The following PPIP5K1 variants were observed in gnomAD, a reference collection of about 807,000 sequenced individuals.
PPIP5K1 encodes diphosphoinositol pentakisphosphate kinase 1.
Under a neutral mutation model 27.7 loss-of-function variants are expected in PPIP5K1, and 6 were observed. That is an observed-to-expected ratio of 0.22 (90% CI 0.12 to 0.43). PPIP5K1 has a LOEUF of 0.43. PPIP5K1 is among the 20% of genes least tolerant of loss of function. The pLI is 1.00. For missense variants in PPIP5K1, 394 were observed against 635.4 expected (o/e 0.62, Z 4.08); for synonymous variants, 145 against 242.6 (o/e 0.60, Z 3.74).
At chr15:43,539,080 G>A (rs2140368556) in intron 31 of PPIP5K1, among the ~76,000 whole-genome samples, 1 of 152,104 alleles carries the variant, frequency 6.6e-6, no homozygotes, top group East Asian at 1.9e-4. Flanking sequence ...GCGTGGTGGT[G>A]CATGCCTGTA....
chr15:43,551,579 T>C (rs928714233), intron 30 of PPIP5K1, among the ~76,000 whole-genome samples: 2 of 149,012 alleles, frequency 1.3e-5, no homozygotes, highest in Non-Finnish European at 3.0e-5. Flanking sequence ...GTTACAGGTG[T>C]GTTTAGACTT....
Position 43,535,386 on chromosome 15 carries a change from T to G in PPIP5K1, c.3761A>C (p.Gln1254Pro). 6.2e-7 allele frequency: 1 copy of G among 1,614,076 alleles called. No homozygotes were observed. Among genetic ancestry groups the G allele is most frequent in the Non-Finnish European group, 8.5e-7 (1 of 1,179,986 alleles). ...AGCCACGTGTGAATTTAGGGAGGGT[T>G]GATCACTGAAGCCAAATTGGGAGTT... ...DGNSQFGFSD[Q>P]PSLNSHVAEE... Residue 1254 changes from glutamine to proline, a missense_variant, in exon 32 of 32, where the codon CAA (glutamine) becomes CCA (proline). By Grantham distance (76) the Gln-to-Pro change is moderately conservative (BLOSUM62 -1). Transcript: ENST00000420765.
chr15:43,578,575 G>A (rs1412166540), intron 11 of PPIP5K1, among the ~76,000 whole-genome samples: 2 of 108,824 alleles, frequency 1.8e-5, no homozygotes, highest in South Asian at 6.0e-4. Flanking sequence ...AAAAAGAAAA[G>A]GGAACTGAGA....
At chr15:43,557,216 G>A (rs28491813) in intron 30 of PPIP5K1, among the ~76,000 whole-genome samples, 4,595 of 152,228 alleles carry the variant, frequency 0.03, 154 homozygotes, top group Admixed American at 0.09. Flanking sequence ...GAACCCAAGG[G>A]GGGGTGGATC....
At chr15:43,553,646 G>GTT (rs564313930) in intron 30 of PPIP5K1, among the ~76,000 whole-genome samples, 32 of 131,338 alleles carry the variant, frequency 2.4e-4, no homozygotes, top group Non-Finnish European at 2.8e-4. Flanking sequence ...TTTTCTGTGT[G>GTT]TTTTTTTTTT....
intron 31 of PPIP5K1, 91 bp from the exon 32 acceptor site, chr15:43,535,567 T>C (rs2140275422): frequency 9.8e-7 from 1 of 1,024,240 alleles, no homozygotes; most frequent in Admixed American, 2.7e-5. Context: ...ATTGTTGGCC[T>C]ATGCTACTTA....
intron 30 of PPIP5K1, among the ~76,000 whole-genome samples, chr15:43,549,453 C>T (rs1437884227): frequency 6.6e-6 from 1 of 151,858 alleles, no homozygotes; most frequent in Non-Finnish European, 1.5e-5. Context: ...CACTTGAAGC[C>T]AGTTCAAGAA....
chr15:43,558,683 T>G, intron 30 of PPIP5K1, 112 bp downstream of exon 30: 1 of 1,404,466 alleles, frequency 7.1e-7, no homozygotes, highest in Non-Finnish European at 9.7e-7. Flanking sequence ...TAAGTGTACT[T>G]TTGTGTCTTT....
At chr15:43,542,573 A>T (rs1158732071) in intron 30 of PPIP5K1, among the ~76,000 whole-genome samples, 1 of 151,222 alleles carries the variant, frequency 6.6e-6, no homozygotes, top group Non-Finnish European at 1.5e-5. Flanking sequence ...TTACAGGTGC[A>T]TGAGCTACCT....
chr15:43,543,895 G>A (rs1283647052), intron 30 of PPIP5K1, among the ~76,000 whole-genome samples: 7 of 151,418 alleles, frequency 4.6e-5, no homozygotes, highest in African/African-American at 1.7e-4. Flanking sequence ...ACTGAATAAG[G>A]ATTACAATTA....
chr15:43,548,156 T>C (rs2081609949), intron 30 of PPIP5K1, among the ~76,000 whole-genome samples: 1 of 151,860 alleles, frequency 6.6e-6, no homozygotes, highest in Non-Finnish European at 1.5e-5. Context: ...TGGAGTGCAC[T>C]GGCGCGATCT....
At position 43,534,544 on chromosome 15, in the gene PPIP5K1, G is replaced by C; in HGVS notation, c.*130C>G. ...TGAGAAAATTAATCACATGTTGCTGGTGGAAGGGGTGAGTGCTGGTCATGG... is the reference window on the plus strand; with the variant it reads ...TGAGAAAATTAATCACATGTTGCTGCTGGAAGGGGTGAGTGCTGGTCATGG... On this transcript the variant is annotated 3_prime_UTR_variant, in exon 32 of 32. Transcript: ENST00000420765. 2 of 762,166 alleles carry C rather than the reference G, an allele frequency of 2.6e-6. No homozygotes were observed. The highest frequency in any genetic ancestry group is 5.2e-5 in the East Asian group (2 of 38,360). The allele number at this position is 762,166 out of a possible 1,614,324, so 47.2% of individuals were successfully genotyped here.
At position 43,586,706 on chromosome 15, in the gene PPIP5K1, GATAATAATAATAATAATAATA is replaced by G. The variant is rs139100270; in HGVS notation, c.-122-1835_-122-1815del. Among the ~76,000 whole-genome samples, 4 of 96,568 alleles carry G rather than the reference GATAATAATAATAATAATAATA, an allele frequency of 4.1e-5. No individual in the cohort carries two copies. The South Asian group carries it at 1.6e-3, about 38-fold the overall frequency. 63.4% of individuals were successfully genotyped at this position (96,568 alleles called of 152,430 possible). On this transcript the variant is annotated intron_variant, in intron 1 of 31. Coordinates refer to ENST00000420765, the MANE Select transcript of PPIP5K1 (RefSeq NM_001394395.1). ...GCAAAACCCTGCCTCAAATAATGAT[GATAATAATAATAATAATAATA>G]ATAATAATAATAATAATAATAATAG...
intron 30 of PPIP5K1, among the ~76,000 whole-genome samples, chr15:43,543,154 T>C (rs2080977347): frequency 6.6e-6 from 1 of 151,312 alleles, no homozygotes; most frequent in South Asian, 2.1e-4. Context: ...ATCTTAGCTA[T>C]TCCAATGGTA....
intron 30 of PPIP5K1, among the ~76,000 whole-genome samples, chr15:43,543,029 T>C (rs1489571521): frequency 6.6e-6 from 1 of 151,830 alleles, no homozygotes; most frequent in African/African-American, 2.4e-5. Context: ...GGGAGCCTCT[T>C]TGGGCTTGAT....
chr15:43,539,571 G>A lies in PPIP5K1; in HGVS notation c.3569C>T (p.Ser1190Phe), dbSNP rs1423425764. 1 of 1,593,806 alleles carries A rather than the reference G, an allele frequency of 6.3e-7. No individual in the cohort carries two copies. The highest frequency in any genetic ancestry group is 8.6e-7 in the Non-Finnish European group (1 of 1,164,466). ...ATCTGAGGCCTGGCTGCTGTGCATG[G>A]AATCAAAGAGGGCTGGAAAGGAGGT... Reference protein sequence around the residue: ...QAQASAALFDSMHSSQASDNP... With the variant: ...QAQASAALFDFMHSSQASDNP... Residue 1190 changes from serine to phenylalanine, a missense_variant, in exon 31 of 32, where the codon TCC becomes TTC. Around this residue, in one of 4 missense-constraint regions of PPIP5K1, gnomAD observed 379 missense variants for 423.9 expected, o/e 0.89. Coordinates refer to ENST00000420765, the MANE Select transcript of PPIP5K1 (RefSeq NM_001394395.1).
intron 30 of PPIP5K1, among the ~76,000 whole-genome samples, chr15:43,556,917 T>A (rs990430301): frequency 1.3e-5 from 2 of 152,194 alleles, no homozygotes; most frequent in African/African-American, 4.8e-5. Flanking sequence ...ATTTTCCTGG[T>A]TACTGAAAAT....
intron 30 of PPIP5K1, 33 bp from the exon 31 acceptor site, chr15:43,539,616 G>T (rs1004145070): frequency 1.0e-5 from 14 of 1,343,500 alleles, no homozygotes; most frequent in East Asian, 2.3e-5. Context: ...GGAGAGGGAA[G>T]AAAAAAAGAC....
At chr15:43,540,790 G>A (rs2080578414) in intron 30 of PPIP5K1, among the ~76,000 whole-genome samples, 1 of 149,734 alleles carries the variant, frequency 6.7e-6, no homozygotes, top group Non-Finnish European at 1.5e-5. Flanking sequence ...AACCCAGGAG[G>A]CAGAGGTTGC....
Sources: allele counts gnomAD v4.1 joint callset (sites outside exome capture counted in the v4.1 genomes callset), GRCh38; gene constraint gnomAD v4.1.1; regional missense constraint gnomAD v4.1.1; transcripts MANE v1.5; gene names NCBI Gene and HGNC (gene_info 2026-07-23, HGNC 2026-07-21).